Variants in ZP2 observed in about 807,000 individuals in gnomAD.
ZP2 encodes zona pellucida glycoprotein 2.
In ZP2, 51 loss-of-function variants were observed where a neutral mutation model predicts 84.0. That is an observed-to-expected ratio of 0.61 (90% confidence interval 0.49 to 0.77). The LOEUF is 0.77. Among genes scored for constraint, ZP2 ranks in the 30% least tolerant of loss-of-function variants. The probability of loss-of-function intolerance (pLI) is 0.00; values close to 1 mark genes in which losing one functional copy is unlikely to be tolerated. For synonymous variants in ZP2, 375 were observed against 330.9 expected, an observed-to-expected ratio of 1.13 and a Z score of -1.45; for missense variants, 909 against 911.9, an observed-to-expected ratio of 1.00 and a Z score of 0.04.
At chr16:21,198,719 G>A (rs990845832) in intron 17 of ZP2, 60 bp downstream of exon 17, 13 of 1,439,620 alleles carry the variant, frequency 9.0e-6, no homozygotes, top group East Asian at 4.6e-5. Context: ...AGCACTGACC[G>A]CTTGGCATAA....
intron 4 of ZP2, among the ~76,000 whole-genome samples, chr16:21,207,656 ACACACACACACACAC>A (rs2093256274): frequency 6.7e-6 from 1 of 149,636 alleles, no homozygotes; most frequent in Non-Finnish European, 1.5e-5. Context: ...ACACACACAC[ACACACACACACACAC>A]ACACACACAC....
intron 17 of ZP2, 63 bp from the exon 18 acceptor site, chr16:21,197,912 CTGAGGG>C: frequency 6.5e-7 from 1 of 1,530,864 alleles, no homozygotes; most frequent in Non-Finnish European, 9.0e-7. Flanking sequence ...TAGCTGTCCC[CTGAGGG>C]TGTGATCCCA....
chr16:21,205,675 C>T (rs2093246419), intron 6 of ZP2, 56 bp downstream of exon 6: 7 of 1,613,138 alleles, frequency 4.3e-6, no homozygotes, highest in East Asian at 2.2e-5. Flanking sequence ...GGTAATATCA[C>T]CTTTAACATA....
intron 14 of ZP2, among the ~76,000 whole-genome samples, 166 bp downstream of exon 14, chr16:21,201,203 C>CAAA (rs74269334): frequency 1.2e-4 from 13 of 112,250 alleles, no homozygotes; most frequent in Non-Finnish European, 2.6e-4. Context: ...CATCTCAAAA[C>CAAA]AAAAAAAAAA....
intron 17 of ZP2, 46 bp downstream of exon 17, chr16:21,198,733 G>T: frequency 1.3e-6 from 2 of 1,555,850 alleles, no homozygotes; most frequent in South Asian, 1.1e-5. Flanking sequence ...GGCATAAAAA[G>T]CTAAGAACTT....
chr16:21,209,717 C>T lies in ZP2; in HGVS notation c.244G>A (p.Gly82Ser). The T allele has an allele frequency of 1.2e-6, 2 of 1,614,020 alleles. No homozygotes were observed. Among genetic ancestry groups the T allele is most frequent in the Admixed American group, 1.7e-5 (1 of 59,994 alleles). Residue 82 changes from glycine to serine, a missense_variant, in exon 4 of 19, where the codon GGT becomes AGT. Physicochemically the swap from Gly to Ser is moderately conservative, Grantham distance 56. Transcript: ENST00000574091. ...TAAGTGCAGTTCGGCATGTCGAGAC[C>T]AAGAGGATCTGCCAAGGCCAGAGCA... ...KWHASVVDPL[G>S]LDMPNCTYIL...
At chr16:21,201,595 AAC>A (rs1345605075) in intron 13 of ZP2, 37 bp from the exon 14 acceptor site, 20 of 1,602,274 alleles carry the variant, frequency 1.2e-5, no homozygotes, top group Non-Finnish European at 1.6e-5. Context: ...TAATGGCTGC[AAC>A]ACAGATTCAT....
chr16:21,207,006 ACAG>A lies in ZP2; in HGVS notation c.331-19_331-17del, dbSNP rs2093253068. 6.2e-7 allele frequency: 1 copy of A among 1,613,844 alleles called. No homozygotes were observed. Among genetic ancestry groups the A allele is most frequent in the South Asian group, 1.1e-5 (1 of 91,084 alleles). On this transcript the variant is annotated splice_polypyrimidine_tract_variant and intron_variant, in intron 4 of 18. Coordinates refer to ENST00000574091, the MANE Select transcript of ZP2 (RefSeq NM_001376232.1). ...GTCCACCATGCTGTGTACAGATAGC[ACAG>A]TGGGAACAGAGTAAGTACTGTACCC...
intron 10 of ZP2, among the ~76,000 whole-genome samples, chr16:21,202,544 T>C (rs2093231027): frequency 6.6e-6 from 1 of 152,200 alleles, no homozygotes; most frequent in Admixed American, 6.5e-5. Context: ...AAGTGCTATA[T>C]GGTATAAGAC....
chr16:21,210,724 A>C (rs1388787183), intron 2 of ZP2, among the ~76,000 whole-genome samples: 3 of 151,878 alleles, frequency 2.0e-5, no homozygotes, highest in Non-Finnish European at 2.9e-5. Context: ...ACATGTGCCC[A>C]CCACCACACC....
At chr16:21,203,692 G>C (rs919782973) in intron 9 of ZP2, 5 of 405,204 alleles carry the variant, frequency 1.2e-5, no homozygotes, top group Middle Eastern at 1.5e-3. Flanking sequence ...CTTTTGTTTA[G>C]ATCAAGGTGT....
chr16:21,211,575 G>T (rs746396049), upstream of ZP2: 1 of 1,613,926 alleles, frequency 6.2e-7, no homozygotes. Context: ...GATCAACCAG[G>T]TAGAGGGTAG....
At chr16:21,203,863 T>G (rs1202873615) in intron 9 of ZP2, 167 bp downstream of exon 9, 2 of 678,700 alleles carry the variant, frequency 2.9e-6, no homozygotes, top group African/African-American at 3.6e-5. Flanking sequence ...TTTAGTTACT[T>G]GATATTTCAC....
At position 21,204,096 on chromosome 16, in the gene ZP2, A is replaced by C. The variant is rs534671172; in HGVS notation, c.906T>G (p.Asn302Lys). The change falls in exon 9 of 19, where the codon AAT becomes AAG. Residue 302 changes from asparagine to lysine, a missense_variant. Transcript: ENST00000574091. ...CATTTGTTGCTTCTAGATCAATTCC[A>C]TTGTCATGCAGCTGGCTCACATCAA... ...QNIDVSQLHD[N>K]GIDLEATNGM... 4 of 1,614,014 alleles carry C rather than the reference A, an allele frequency of 2.5e-6. No individual in the cohort carries two copies. Among genetic ancestry groups the C allele is most frequent in the East Asian group, 4.5e-5 (2 of 44,896 alleles).
In ZP2 at chr16:21,201,780, T is replaced by C. The variant is rs201054139; in HGVS notation, c.1430A>G (p.Asn477Ser). ...YSRNDMLLNI[N>S]VESLTPPVAS... ...CACTGGAGGAGTAAGGCTTTCAACG[T>C]TGATGTTTAGTAGCATGTCATTCCT... The change falls in exon 13 of 19, where the codon AAC (asparagine) becomes AGC (serine). Residue 477 changes from asparagine (N) to serine (S), a missense_variant. Transcript: ENST00000574091. 6.2e-6 allele frequency: 10 copies of C among 1,614,148 alleles called. No individual in the cohort carries two copies. Among genetic ancestry groups the C allele is most frequent in the Admixed American group, 3.3e-5 (2 of 60,024 alleles).
chr16:21,212,406 T>G (rs1331986353), upstream of ZP2, among the ~76,000 whole-genome samples: 2 of 152,230 alleles, frequency 1.3e-5, no homozygotes, highest in African/African-American at 2.4e-5. Context: ...TCACTCATAA[T>G]AGTGCCACTG....
At chr16:21,206,719 A>T in intron 5 of ZP2, 119 bp downstream of exon 5, 1 of 1,345,874 alleles carries the variant, frequency 7.4e-7, no homozygotes, top group Non-Finnish European at 1.0e-6. Context: ...ATCACACAGA[A>T]AATTAGCAAG....
chr16:21,214,015 C>T (rs1161375480), upstream of ZP2, among the ~76,000 whole-genome samples: 1 of 151,916 alleles, frequency 6.6e-6, no homozygotes, highest in African/African-American at 2.4e-5. Context: ...TCCCTTCCCA[C>T]CGCGCTACTC....
At chr16:21,198,718 C>T (rs957635903) in intron 17 of ZP2, 61 bp downstream of exon 17, 19 of 1,433,576 alleles carry the variant, frequency 1.3e-5, no homozygotes, top group East Asian at 4.6e-5. Flanking sequence ...AAGCACTGAC[C>T]GCTTGGCATA....
Sources: gnomAD v4.1 joint callset for allele counts (sites outside exome capture counted in the v4.1 genomes callset) on GRCh38, gnomAD v4.1.1 for gene constraint, MANE v1.5 for transcripts, NCBI Gene and HGNC (gene_info 2026-07-23, HGNC 2026-07-21) for gene names.